The following MMP3 variants were observed in gnomAD, a reference collection of about 807,000 sequenced individuals.
MMP3 encodes the protein stromelysin-1.
In MMP3, 46 loss-of-function variants were observed where a neutral mutation model predicts 47.3. The ratio of observed to expected loss-of-function variants is 0.97; its 90% CI spans 0.77 to 1.24. The LOEUF is 1.24. MMP3 is among the 50% of genes most tolerant of loss of function. The probability of loss-of-function intolerance (pLI) is 0.00; values close to 1 mark genes in which losing one functional copy is unlikely to be tolerated. For missense variants in MMP3, 558 were observed against 565.5 expected (o/e 0.99, Z 0.13); for synonymous variants, 216 against 206.5 (o/e 1.05, Z -0.39).
Position 102,842,751 on chromosome 11 carries a change from T to A in MMP3, c.271A>T (p.Arg91Trp), listed in dbSNP as rs141650167. The A allele has an allele frequency of 6.2e-7, 1 of 1,613,888 alleles. No homozygotes were observed. Among genetic ancestry groups the A allele is most frequent in the Non-Finnish European group, 8.5e-7 (1 of 1,179,968 alleles). Residue 91 changes from arginine to tryptophan, a missense_variant, in exon 2 of 10, where the codon AGG (arginine) becomes TGG (tryptophan). Coordinates refer to ENST00000299855, the MANE Select transcript of MMP3 (RefSeq NM_002422.5). Reference protein sequence around the residue: ...SDTLEVMRKPRCGVPDVGHFR... With the variant: ...SDTLEVMRKPWCGVPDVGHFR... ...TGACCAACATCAGGAACTCCACACC[T>A]GGGCTTGCGCATCACCTCCAGAGTG...
Position 102,836,812 on chromosome 11 carries a change from G to A in MMP3, c.1333+486C>T. The A allele has an allele frequency of 4.4e-6, 1 of 225,646 alleles. No individual in the cohort carries two copies. Among genetic ancestry groups the A allele is most frequent in the Non-Finnish European group, 8.9e-6 (1 of 112,776 alleles). 14.0% of individuals were successfully genotyped at this position (225,646 alleles called of 1,614,324 possible). A position where few individuals can be genotyped will look rare whatever the true frequency, so the allele number is the denominator to read the frequency against. Reference sequence around the variant, plus strand: ...AAATCTTTTTTTTTTTTTAAACTTTGGGCACATGGAAAGGTAAGTATTTGC... The same window carrying A: ...AAATCTTTTTTTTTTTTTAAACTTTAGGCACATGGAAAGGTAAGTATTTGC... On this transcript the variant is annotated intron_variant, in intron 9 of 9. Coordinates refer to ENST00000299855, the MANE Select transcript of MMP3 (RefSeq NM_002422.5). This position sits in a 1 kb window ranked among gnomAD's most constrained non-coding sequence, Gnocchi z 4.6.
chr11:102,839,076 T>G (rs1555005025), intron 7 of MMP3, 34 bp downstream of exon 7: 7 of 1,596,422 alleles, frequency 4.4e-6, no homozygotes, highest in Non-Finnish European at 6.0e-6. Flanking sequence ...GGGTTTACTT[T>G]GGCAAGTTAA....
chr11:102,840,326 G>T, intron 5 of MMP3, 74 bp from the exon 6 acceptor site: 1 of 1,587,342 alleles, frequency 6.3e-7, no homozygotes, highest in Non-Finnish European at 8.6e-7. Context: ...ACATTCTCAC[G>T]GTGCTTTGAA....
intron 4 of MMP3, among the ~76,000 whole-genome samples, chr11:102,841,637 G>C (rs1347893469): frequency 6.6e-5 from 10 of 151,024 alleles, no homozygotes; most frequent in Non-Finnish European, 1.5e-4. Flanking sequence ...TTGTATTTGG[G>C]AGTTAGTCTT....
chr11:102,843,432 T>C lies in MMP3; in HGVS notation c.105+10A>G, dbSNP rs781833476. 9 of 1,607,016 alleles carry C rather than the reference T, an allele frequency of 5.6e-6. No homozygotes were observed. Among genetic ancestry groups the C allele is most frequent in the Non-Finnish European group, 7.7e-6 (9 of 1,174,426 alleles). ...CTCCCCACCTGGCCAGGTCAGTTAG[T>C]GTTAATTACCTGAACAAGGTTCATG... is the stretch of plus-strand genomic sequence containing the variant. On this transcript the variant is annotated intron_variant, in intron 1 of 9. Transcript: ENST00000299855.
chr11:102,840,743 T>A, intron 4 of MMP3, 150 bp from the exon 5 acceptor site: 1 of 743,620 alleles, frequency 1.3e-6, no homozygotes, highest in Non-Finnish European at 2.1e-6. Context: ...ATTGACTAAT[T>A]ACACACTTAA....
rs369476694 is a variant in MMP3, at chr11:102,837,547, T to C, written c.1230-146A>G. 58 of 641,616 alleles carry C rather than the reference T, an allele frequency of 9.0e-5. No homozygotes were observed. In the African/African-American group the frequency reaches 9.9e-4, roughly 11 times the overall value. 39.7% of individuals were successfully genotyped at this position (641,616 alleles called of 1,614,324 possible). The stretch of plus-strand genomic sequence containing the variant: ...AAGCATATTTGGGACTATAGAAATA[T>C]GTGACTTTAATGGTACTGTAAAGAG... On this transcript the variant is annotated intron_variant, in intron 8 of 9. Coordinates refer to ENST00000299855, the MANE Select transcript of MMP3 (RefSeq NM_002422.5). The surrounding 1 kb of genome is among the most constrained non-coding windows in gnomAD (Gnocchi z 4.4).
rs149147183 is a variant in MMP3 at position 102,842,794 on chromosome 11, C to T, written c.228G>A (p.Thr76=). The T allele has an allele frequency of 3.9e-4, 626 of 1,613,892 alleles. 4 individuals carry two copies. The highest frequency in any genetic ancestry group is 3.4e-3 in the African/African-American group (255 of 74,976). Residue 76 remains threonine (T), a synonymous_variant, in exon 2 of 10, where the codon ACG becomes ACA. Coordinates refer to ENST00000299855, the MANE Select transcript of MMP3 (RefSeq NM_002422.5). Reference sequence around the variant, plus strand: ...CCAGAGTGTCGGAGTCCAGCTTCCCCGTCACCTCCAATCCAAGGAACTTCT... The same window carrying T: ...CCAGAGTGTCGGAGTCCAGCTTCCCTGTCACCTCCAATCCAAGGAACTTCT... ...EMQKFLGLEV[T]GKLDSDTLEV...
chr11:102,839,216 C>A lies in MMP3; in HGVS notation c.963G>T (p.Lys321Asn), dbSNP rs146875246. ...AGATCAAATGCAATTCAGGTTCAAG[C>A]TTCCTGAGGGATTTGCGCCAAAAGT... ...DRHFWRKSLR[K>N]LEPELHLISS... Residue 321 changes from lysine (K) to asparagine (N), a missense_variant, in exon 7 of 10, where the codon AAG becomes AAT. Lys to Asn is a moderately conservative substitution (Grantham distance 94). Transcript: ENST00000299855. 43 of 1,613,918 alleles carry A rather than the reference C, an allele frequency of 2.7e-5. No homozygotes were observed. The African/African-American group carries it at 5.2e-4, about 20-fold the overall frequency.
chr11:102,836,285 T>C lies in MMP3; in HGVS notation c.1334-59A>G, dbSNP rs1479332162. The C allele has an allele frequency of 2.3e-6, 3 of 1,306,610 alleles. No individual in the cohort carries two copies. The highest frequency in any genetic ancestry group is 1.5e-5 in the African/African-American group (1 of 68,070). 80.9% of individuals were successfully genotyped at this position (1,306,610 alleles called of 1,614,324 possible). On this transcript the variant is annotated intron_variant, in intron 9 of 9. Coordinates refer to ENST00000299855, the MANE Select transcript of MMP3 (RefSeq NM_002422.5). This position sits in a 1 kb window ranked among gnomAD's most constrained non-coding sequence, Gnocchi z 4.6. ...TTTTCCAAATAAAGACATTTGACAA[T>C]ATACAAAACTCAGAATCATAGAGAA...
In MMP3 at chr11:102,842,459, A is replaced by G. The variant is rs782717570; in HGVS notation, c.471T>C (p.Ala157=). ...TAACTGCAAAAGAGATCATTATATCAGCCTCTCCTTCATACAGCCTGGAGA... is the reference window on the plus strand; with the variant it reads ...TAACTGCAAAAGAGATCATTATATCGGCCTCTCCTTCATACAGCCTGGAGA... The part of the protein sequence containing the change: ...LTFSRLYEGE[A]DIMISFAVRE... Residue 157 remains alanine (A), a synonymous_variant, in exon 3 of 10, where the codon GCT becomes GCC. Coordinates refer to ENST00000299855, the MANE Select transcript of MMP3 (RefSeq NM_002422.5). 2 of 1,563,172 alleles carry G rather than the reference A, an allele frequency of 1.3e-6. No homozygotes were observed. Among genetic ancestry groups the G allele is most frequent in the South Asian group, 1.1e-5 (1 of 88,906 alleles).
In MMP3 at chr11:102,837,194, C is replaced by T; in HGVS notation, c.1333+104G>A. The stretch of plus-strand genomic sequence containing the variant: ...ATCAAAATTTTGAGAAGGGAACTGG[C>T]CCTAAGAAACACTTGTTATTAAAAA... On this transcript the variant is annotated intron_variant, in intron 9 of 9. Transcript: ENST00000299855. This position sits in a 1 kb window ranked among gnomAD's most constrained non-coding sequence, Gnocchi z 4.4. 1.2e-6 allele frequency: 1 copy of T among 807,536 alleles called. No individual in the cohort carries two copies. 50.0% of individuals were successfully genotyped at this position (807,536 alleles called of 1,614,324 possible). A position where few individuals can be genotyped will look rare whatever the true frequency, so the allele number is the denominator to read the frequency against.
chr11:102,838,744 A>G (rs1555004980), intron 7 of MMP3, 34 bp from the exon 8 acceptor site: 4 of 1,591,622 alleles, frequency 2.5e-6, no homozygotes, highest in Admixed American at 1.7e-5. Context: ...GTCATATTGA[A>G]TTATAACAGT....
chr11:102,841,157 C>G (rs1858990403), intron 4 of MMP3, among the ~76,000 whole-genome samples: 1 of 152,174 alleles, frequency 6.6e-6, no homozygotes, highest in Admixed American at 6.5e-5. Context: ...CCAATCATGT[C>G]TAGCATTTGT....
In MMP3 at chr11:102,842,739, G is replaced by A. The variant is rs782127556; in HGVS notation, c.283C>T (p.Pro95Ser). Residue 95 changes from proline to serine, a missense_variant, in exon 2 of 10, where the codon CCT becomes TCT. Coordinates refer to ENST00000299855, the MANE Select transcript of MMP3 (RefSeq NM_002422.5). ...EVMRKPRCGVPDVGHFRTFPG... is the reference protein window; with the variant it reads ...EVMRKPRCGVSDVGHFRTFPG... Reference sequence around the variant, plus strand: ...AAGGTTCTGAAGTGACCAACATCAGGAACTCCACACCTGGGCTTGCGCATC... The same window carrying A: ...AAGGTTCTGAAGTGACCAACATCAGAAACTCCACACCTGGGCTTGCGCATC... The A allele has an allele frequency of 6.2e-7, 1 of 1,613,922 alleles. No homozygotes were observed. Among genetic ancestry groups the A allele is most frequent in the South Asian group, 1.1e-5 (1 of 91,074 alleles).
intron 8 of MMP3, 49 bp downstream of exon 8, chr11:102,838,502 T>C: frequency 6.4e-7 from 1 of 1,572,084 alleles, no homozygotes; most frequent in Non-Finnish European, 8.6e-7. Flanking sequence ...TAAAAGAAAC[T>C]AATTTCCCTA....
chr11:102,841,303 C>A (rs1858992763), intron 4 of MMP3, among the ~76,000 whole-genome samples: 1 of 152,100 alleles, frequency 6.6e-6, no homozygotes, highest in African/African-American at 2.4e-5. Context: ...ATCTACCTTA[C>A]TTTTGCTAGT....
rs1276899816 is a variant in MMP3 at position 102,843,558 on chromosome 11, T to C, written c.-12A>G. On this transcript the variant is annotated 5_prime_UTR_variant, in exon 1 of 10. Transcript: ENST00000299855. ...GGAAGACTCTTCATTTCCACTGGCT[T>C]TACTTAGCTCTATGTTGTCTCTATG... 4 of 1,606,802 alleles carry C rather than the reference T, an allele frequency of 2.5e-6. No homozygotes were observed. Among genetic ancestry groups the C allele is most frequent in the Non-Finnish European group, 3.4e-6 (4 of 1,175,178 alleles).
Position 102,840,244 on chromosome 11 carries a change from G to T in MMP3, c.799C>A (p.Pro267Thr). 2 of 1,613,580 alleles carry T rather than the reference G, an allele frequency of 1.2e-6. No individual in the cohort carries two copies. The highest frequency in any genetic ancestry group is 1.7e-6 in the Non-Finnish European group (2 of 1,179,856). ...ACCAGGGGGGTCTCAGGGGAGTCAG[G>T]GGGAGGTCCTAAAGGGAACATTAGG... ...NGIQSLYGPP[P>T]DSPETPLVPT... is the part of the protein sequence containing the mutation. The change falls in exon 6 of 10, where the codon CCT becomes ACT. Residue 267 changes from proline (P) to threonine (T), a missense_variant. Pro to Thr is a conservative substitution (Grantham distance 38). Transcript: ENST00000299855.
Sources: allele counts gnomAD v4.1 joint callset (sites outside exome capture counted in the v4.1 genomes callset), GRCh38; gene constraint gnomAD v4.1.1; non-coding constraint Gnocchi (gnomAD v3.1); transcripts MANE v1.5; gene names NCBI Gene and HGNC (gene_info 2026-07-23, HGNC 2026-07-21).